PRKCE: variants seen among roughly 807,000 people sequenced by gnomAD.
The protein encoded by PRKCE is protein kinase C epsilon.
A neutral mutation model predicts 85.4 loss-of-function variants in PRKCE; 16 were observed. That is an observed-to-expected ratio of 0.19 (90% CI 0.13 to 0.28). The LOEUF (loss-of-function observed/expected upper bound fraction) is 0.28. Ranked by LOEUF, PRKCE falls within the 10% of genes least tolerant of loss-of-function variation. PRKCE has a pLI of 1.00. For synonymous variants in PRKCE, 388 were observed against 371.5 expected (o/e 1.04, Z -0.51); for missense variants, 573 against 975.2 (o/e 0.59, Z 5.49).
chr2:45,826,381 A>T (rs1689944083), intron 1 of PRKCE, among the ~76,000 whole-genome samples: 1 of 152,274 alleles, frequency 6.6e-6, no homozygotes, highest in African/African-American at 2.4e-5. Context: ...ATATTTCTAT[A>T]TCACAAATGT....
chr2:46,011,185 G>A (rs1705641559), intron 10 of PRKCE, among the ~76,000 whole-genome samples: 2 of 152,162 alleles, frequency 1.3e-5, no homozygotes, highest in South Asian at 4.1e-4. Context: ...GAGGGGTTGG[G>A]AGGAGTTAAA....
At chr2:45,766,699 A>G (rs1482453290) in intron 1 of PRKCE, among the ~76,000 whole-genome samples, 1 of 152,200 alleles carries the variant, frequency 6.6e-6, no homozygotes, top group African/African-American at 2.4e-5. Flanking sequence ...ATCATGCTTC[A>G]TAGGTGCCTC....
At chr2:46,173,009 G>A (rs1380846599) in intron 14 of PRKCE, among the ~76,000 whole-genome samples, 1 of 152,188 alleles carries the variant, frequency 6.6e-6, no homozygotes, top group Non-Finnish European at 1.5e-5. Flanking sequence ...ACCCCAAGGT[G>A]TCACAAACAC....
rs1697073849 is a variant in PRKCE at position 45,907,576 on chromosome 2, C to T, written c.412+64513C>T. Among the ~76,000 whole-genome samples, 1 of 152,226 alleles carries T rather than the reference C, an allele frequency of 6.6e-6. No homozygotes were observed. Among genetic ancestry groups the T allele is most frequent in the South Asian group, 2.1e-4 (1 of 4,834 alleles). ...GCAGGCAGTGAGCGTGTGCCCAAGC[C>T]TGCTTCCCATGTCACGTGTGTCATT... is the stretch of plus-strand genomic sequence containing the variant. On this transcript the variant is annotated intron_variant, in intron 2 of 14. Coordinates refer to ENST00000306156, the MANE Select transcript of PRKCE (RefSeq NM_005400.3). The surrounding 1 kb of genome is among the most constrained non-coding windows in gnomAD (Gnocchi z 4.5).
At chr2:45,729,173 C>A (rs368585997) in intron 1 of PRKCE, among the ~76,000 whole-genome samples, 25 of 152,144 alleles carry the variant, frequency 1.6e-4, no homozygotes, top group Non-Finnish European at 3.7e-4. Context: ...CCTTGGGACC[C>A]GAAGGAGCTG....
At chr2:45,945,753 G>A (rs896198869) in intron 2 of PRKCE, among the ~76,000 whole-genome samples, 4 of 152,200 alleles carry the variant, frequency 2.6e-5, no homozygotes, top group African/African-American at 9.6e-5. Context: ...CACTGGTGGG[G>A]GGCCAGATTA....
At chr2:46,085,358 A>G (rs1344769397) in intron 10 of PRKCE, among the ~76,000 whole-genome samples, 2 of 152,210 alleles carry the variant, frequency 1.3e-5, no homozygotes, top group Admixed American at 6.5e-5. Context: ...ATTGCAATCT[A>G]TTGGTCTCCT....
At chr2:45,678,042 G>T (rs1027902363) in intron 1 of PRKCE, 2 of 273,060 alleles carry the variant, frequency 7.3e-6, no homozygotes, top group African/African-American at 2.3e-5. Context: ...GTTCTACACC[G>T]AGCCAGGGGG....
chr2:45,791,142 G>GGGCT (rs1161779355), intron 1 of PRKCE, among the ~76,000 whole-genome samples: 127 of 152,300 alleles, frequency 8.3e-4, no homozygotes, highest in African/African-American at 2.8e-3. Flanking sequence ...CCTCTGACTG[G>GGGCT]TCACGGGGCT....
intron 11 of PRKCE, among the ~76,000 whole-genome samples, chr2:46,104,960 T>C (rs1671576647): frequency 6.6e-6 from 1 of 152,150 alleles, no homozygotes; most frequent in African/African-American, 2.4e-5. Flanking sequence ...CCTTCCTGCC[T>C]TAAATTCTGG....
intron 2 of PRKCE, among the ~76,000 whole-genome samples, chr2:45,944,511 C>T (rs1159330520): frequency 6.6e-6 from 1 of 152,096 alleles, no homozygotes; most frequent in African/African-American, 2.4e-5. Flanking sequence ...TTTTTTGAGA[C>T]AGGGTCTTGC....
intron 11 of PRKCE, among the ~76,000 whole-genome samples, chr2:46,104,635 G>A (rs888312044): frequency 1.2e-4 from 19 of 152,134 alleles, no homozygotes; most frequent in Non-Finnish European, 2.1e-4. Flanking sequence ...GGGGCAAGTA[G>A]ACCACTTTGA....
In PRKCE at chr2:45,829,444, A is replaced by G. The variant is rs73928830; in HGVS notation, c.349-13556A>G. On this transcript the variant is annotated intron_variant, in intron 1 of 14. Transcript: ENST00000306156. ...GTTTTGCCTGCTTAAGACCCCATAT[A>G]AATTACAGAAAAGGAGAAAAGGGGG... 6.8e-3 allele frequency among the ~76,000 whole-genome samples: 1,031 copies of G among 152,292 alleles called. 12 individuals are homozygous for G. Among genetic ancestry groups the G allele is most frequent in the African/African-American group, 0.023 (957 of 41,536 alleles).
chr2:45,683,194 CTT>C (rs2103961761), intron 1 of PRKCE, among the ~76,000 whole-genome samples: 1 of 152,330 alleles, frequency 6.6e-6, no homozygotes, highest in South Asian at 2.1e-4. Context: ...CGCAGAATCT[CTT>C]TGTCTCTGGA....
intron 2 of PRKCE, among the ~76,000 whole-genome samples, chr2:45,949,354 A>T (rs190181934): frequency 6.8e-6 from 1 of 147,324 alleles, no homozygotes; most frequent in South Asian, 2.1e-4. Flanking sequence ...TACCTTTAAA[A>T]TATTCTTTTA....
intron 14 of PRKCE, among the ~76,000 whole-genome samples, chr2:46,160,630 G>A (rs1677663683): frequency 6.6e-6 from 1 of 152,200 alleles, no homozygotes; most frequent in Admixed American, 6.5e-5. Flanking sequence ...CCAGTGCTGT[G>A]GGGCTGTGGA....
chr2:45,669,564 A>G (rs1171001929), intron 1 of PRKCE, among the ~76,000 whole-genome samples: 1 of 152,202 alleles, frequency 6.6e-6, no homozygotes, highest in Non-Finnish European at 1.5e-5. Context: ...CCCAAGGTAT[A>G]AAAAAGGGAG....
intron 11 of PRKCE, among the ~76,000 whole-genome samples, chr2:46,090,021 A>G (rs1334239751): frequency 1.3e-5 from 2 of 152,130 alleles, no homozygotes; most frequent in Admixed American, 6.5e-5. Flanking sequence ...TACAGATCCT[A>G]TAATACTTGG....
intron 2 of PRKCE, among the ~76,000 whole-genome samples, chr2:45,923,688 A>C (rs1397428494): frequency 1.3e-5 from 2 of 152,234 alleles, no homozygotes; most frequent in African/African-American, 4.8e-5. Context: ...CTTGTGCAGC[A>C]CAGACTTTGT....
Sources: allele counts gnomAD v4.1 joint callset (sites outside exome capture counted in the v4.1 genomes callset), GRCh38; gene constraint gnomAD v4.1.1; non-coding constraint Gnocchi (gnomAD v3.1); transcripts MANE v1.5; gene names NCBI Gene and HGNC (gene_info 2026-07-23, HGNC 2026-07-21).